The following HMGA2 variants were observed in gnomAD, a reference collection of about 807,000 sequenced individuals.
HMGA2 encodes high mobility group AT-hook 2.
In HMGA2, 8 loss-of-function variants were observed where a neutral mutation model predicts 19.1. That is an observed-to-expected ratio of 0.42 (90% CI 0.25 to 0.76). HMGA2 has a LOEUF of 0.76. Among genes scored for constraint, HMGA2 ranks in the 30% least tolerant of loss-of-function variants. The pLI, the probability that HMGA2 is intolerant of heterozygous loss-of-function variation, is 0.28. For missense variants in HMGA2, 109 were observed against 136.3 expected, an observed-to-expected ratio of 0.80 and a Z score of 1.00; for synonymous variants, 60 against 48.8, an observed-to-expected ratio of 1.23 and a Z score of -0.96.
At chr12:65,859,744 G>T (rs1420533691) in intron 3 of HMGA2, 1 of 164,700 alleles carries the variant, frequency 6.1e-6, no homozygotes, top group Non-Finnish European at 1.3e-5. Flanking sequence ...TTGCCATGGG[G>T]TTATGTCCTG....
At chr12:65,876,972 T>C (rs540077713) in intron 3 of HMGA2, 1 of 151,852 alleles carries the variant, frequency 6.6e-6, no homozygotes. Context: ...GGTTTAGGAG[T>C]AGAAAAAACT....
intron 3 of HMGA2, chr12:65,882,243 T>C: frequency 1.3e-5 from 4 of 313,154 alleles, no homozygotes; most frequent in South Asian, 1.2e-4. Context: ...GCCCACCTTT[T>C]CTGTTCATAC....
At chr12:65,888,839 A>G (rs1873785040) in intron 3 of HMGA2, among the ~76,000 whole-genome samples, 1 of 151,668 alleles carries the variant, frequency 6.6e-6, no homozygotes, top group Non-Finnish European at 1.5e-5. Context: ...CTGGGATTAC[A>G]GGTGTGAGCC....
intron 3 of HMGA2, among the ~76,000 whole-genome samples, chr12:65,946,140 G>C (rs2121302087): frequency 6.6e-6 from 1 of 152,142 alleles, no homozygotes; most frequent in Non-Finnish European, 1.5e-5. Flanking sequence ...AGAAATTAGG[G>C]TTTTTACATT....
chr12:65,942,074 A>C (rs1323166221), intron 3 of HMGA2, among the ~76,000 whole-genome samples: 1 of 152,228 alleles, frequency 6.6e-6, no homozygotes, highest in Admixed American at 6.5e-5. Flanking sequence ...TATTAACAAC[A>C]AATTTGGATA....
intron 3 of HMGA2, among the ~76,000 whole-genome samples, chr12:65,910,425 A>G (rs981934982): frequency 1.3e-5 from 2 of 152,166 alleles, no homozygotes; most frequent in African/African-American, 4.8e-5. Flanking sequence ...AATCTTTTAT[A>G]TCTCACTTAA....
At chr12:65,956,485 T>G (rs1412718698) in intron 4 of HMGA2, 1 of 152,168 alleles carries the variant, frequency 6.6e-6, no homozygotes, top group African/African-American at 2.4e-5. Context: ...AGGAAGCGTA[T>G]CAAAATGATT....
chr12:65,947,587 C>G (rs1876313098), intron 3 of HMGA2, among the ~76,000 whole-genome samples: 1 of 152,172 alleles, frequency 6.6e-6, no homozygotes, highest in East Asian at 1.9e-4. Context: ...GTGCAATAGT[C>G]TCAACATAAT....
intron 3 of HMGA2, among the ~76,000 whole-genome samples, chr12:65,839,709 TTC>T (rs1870910942): frequency 6.6e-6 from 1 of 152,220 alleles, no homozygotes; most frequent in Admixed American, 6.5e-5. Context: ...GTAAGGATAT[TTC>T]ATTCAACCTT....
intron 3 of HMGA2, among the ~76,000 whole-genome samples, chr12:65,861,849 T>C (rs1386694075): frequency 6.6e-6 from 1 of 150,676 alleles, no homozygotes; most frequent in Non-Finnish European, 1.5e-5. Context: ...CATGTTTCTT[T>C]TTTTTTTTTT....
At chr12:65,867,806 G>A (rs535294358) in intron 3 of HMGA2, 2 of 168,870 alleles carry the variant, frequency 1.2e-5, no homozygotes, top group South Asian at 1.6e-4. Context: ...AGCATCTCGA[G>A]GGTAAGAACG....
intron 3 of HMGA2, among the ~76,000 whole-genome samples, chr12:65,931,673 C>T (rs1875720537): frequency 1.3e-5 from 2 of 151,974 alleles, no homozygotes; most frequent in South Asian, 4.1e-4. Flanking sequence ...GCATCTATGT[C>T]CCTTTCTCCT....
intron 3 of HMGA2, among the ~76,000 whole-genome samples, chr12:65,872,409 T>A (rs1002266588): frequency 6.6e-6 from 1 of 152,186 alleles, no homozygotes; most frequent in African/African-American, 2.4e-5. Context: ...CAGGGTTATA[T>A]CTGAGGTCCT....
At chr12:65,895,671 T>G (rs961133975) in intron 3 of HMGA2, among the ~76,000 whole-genome samples, 2 of 152,174 alleles carry the variant, frequency 1.3e-5, no homozygotes, top group Non-Finnish European at 2.9e-5. Flanking sequence ...TGCACAGAAG[T>G]AGATGAAAGC....
rs545766939 is a variant in HMGA2 at position 65,861,814 on chromosome 12, GA to G, written c.249+23254del. On this transcript the variant is annotated intron_variant, in intron 3 of 4. Transcript: ENST00000403681. ...ACATTTAATATAACAACATATTTTT[GA>G]AAAAAAAATCCGTTTTTGTGCAACA... Among the ~76,000 whole-genome samples, 1,411 of 143,048 alleles carry G rather than the reference GA, an allele frequency of 9.9e-3. 18 individuals are homozygous for G. The highest frequency in any genetic ancestry group is 0.04 in the Middle Eastern group (11 of 278). 93.8% of individuals were successfully genotyped at this position (143,048 alleles called of 152,430 possible).
chr12:65,943,200 G>C (rs1876149378), intron 3 of HMGA2, among the ~76,000 whole-genome samples: 1 of 152,146 alleles, frequency 6.6e-6, no homozygotes, highest in Non-Finnish European at 1.5e-5. Flanking sequence ...CTGTCATATA[G>C]TTCAAATATC....
intron 3 of HMGA2, among the ~76,000 whole-genome samples, chr12:65,951,032 T>G (rs1007385105): frequency 1.3e-4 from 20 of 152,092 alleles, no homozygotes; most frequent in African/African-American, 4.6e-4. Flanking sequence ...TTGGCCCAGG[T>G]GATCCTTCCA....
intron 3 of HMGA2, among the ~76,000 whole-genome samples, chr12:65,849,693 G>A (rs1425199572): frequency 6.7e-6 from 1 of 148,908 alleles, no homozygotes; most frequent in Non-Finnish European, 1.5e-5. Context: ...AAATGAGAGT[G>A]GTCATCTCCA....
At chr12:65,870,050 C>A (rs1439593845) in intron 3 of HMGA2, among the ~76,000 whole-genome samples, 1 of 151,822 alleles carries the variant, frequency 6.6e-6, no homozygotes, top group Non-Finnish European at 1.5e-5. Context: ...AATATTCCAG[C>A]TATATTCAAT....
Sources: gnomAD v4.1 joint callset for allele counts (sites outside exome capture counted in the v4.1 genomes callset) on GRCh38, gnomAD v4.1.1 for gene constraint, MANE v1.5 for transcripts, NCBI Gene and HGNC (gene_info 2026-07-23, HGNC 2026-07-21) for gene names.